Variants in PARP2 observed in about 807,000 individuals in gnomAD.
The protein encoded by PARP2 is poly [ADP-ribose] polymerase 2.
Under a neutral mutation model 77.8 loss-of-function variants are expected in PARP2, and 57 were observed. The observed-to-expected ratio is 0.73, with a 90% CI of 0.59 to 0.91. PARP2 has a LOEUF of 0.91. Ranked by LOEUF, PARP2 falls within the 40% of genes least tolerant of loss-of-function variation. The pLI, the probability that PARP2 is intolerant of heterozygous loss-of-function variation, is 0.00. For missense variants in PARP2, 651 were observed against 689.0 expected (o/e 0.94, Z 0.62); for synonymous variants, 226 against 242.6 (o/e 0.93, Z 0.64).
In PARP2 at chr14:20,355,967, A is replaced by ACC. The variant is rs764666489; in HGVS notation, c.1038_1039dup (p.Gln347ProfsTer23). 3 of 1,614,132 alleles carry ACC rather than the reference A, an allele frequency of 1.9e-6. No individual in the cohort carries two copies. The highest frequency in any genetic ancestry group is 2.5e-6 in the Non-Finnish European group (3 of 1,179,942). ...CTACAAAGCCCAGAACACCCATTGG[A>ACC]CCAACACTATAGAAACCTACATTGT... On this transcript the variant is annotated frameshift_variant, in exon 11 of 16. Coordinates refer to ENST00000429687, the MANE Select transcript of PARP2 (RefSeq NM_001042618.2). LOFTEE classifies it high-confidence loss of function.
intron 5 of PARP2, 41 bp downstream of exon 5, chr14:20,350,663 AAGTC>A: frequency 1.5e-6 from 2 of 1,320,766 alleles, no homozygotes; most frequent in Non-Finnish European, 2.2e-6. Context: ...GGCATTCAGA[AAGTC>A]AGAAGCAGCT....
intron 6 of PARP2, among the ~76,000 whole-genome samples, chr14:20,351,482 C>CT (rs1883953244): frequency 6.6e-6 from 1 of 152,118 alleles, no homozygotes; most frequent in Admixed American, 6.5e-5. Flanking sequence ...CCTGCCTTCT[C>CT]TAAGAATTTT....
At chr14:20,348,498 G>C (rs1236632174) in intron 4 of PARP2, among the ~76,000 whole-genome samples, 1 of 151,576 alleles carries the variant, frequency 6.6e-6, no homozygotes, top group Non-Finnish European at 1.5e-5. Flanking sequence ...CTCCCAAGTA[G>C]CTGGGACTAC....
chr14:20,345,842 C>A (rs1231351528), intron 3 of PARP2, among the ~76,000 whole-genome samples: 1 of 151,538 alleles, frequency 6.6e-6, no homozygotes, highest in Non-Finnish European at 1.5e-5. Flanking sequence ...ATGGCAAAAG[C>A]AGGGGAGAGA....
intron 8 of PARP2, 60 bp downstream of exon 8, chr14:20,354,307 T>C (rs773043705): frequency 5.2e-5 from 67 of 1,280,904 alleles, no homozygotes; most frequent in Non-Finnish European, 7.2e-5. Flanking sequence ...CTTTAATGGA[T>C]ACTTTATTAT....
At chr14:20,355,193 G>T (rs1029976551) in intron 9 of PARP2, 1 of 364,628 alleles carries the variant, frequency 2.7e-6, no homozygotes, top group African/African-American at 2.1e-5. Flanking sequence ...GAGAGAATGG[G>T]TCTAGCTATC....
At chr14:20,348,936 T>C (rs1202507143) in intron 4 of PARP2, among the ~76,000 whole-genome samples, 1 of 152,014 alleles carries the variant, frequency 6.6e-6, no homozygotes. Flanking sequence ...CGAGAATTGC[T>C]TGAACCTGGG....
rs1323220477 is a variant in PARP2 at position 20,345,456 on chromosome 14, G to A, written c.265G>A (p.Val89Met). 1.9e-6 allele frequency: 3 copies of A among 1,613,106 alleles called. No homozygotes were observed. The highest frequency in any genetic ancestry group is 1.7e-5 in the Admixed American group (1 of 60,012). ...APVDPECTAK[V>M]GKAHVYCEGN... is the part of the protein sequence containing the mutation. ...TGTGGACCCAGAGTGTACAGCCAAG[G>A]TGGGGAAGGTAAGAGACTCTGGAAC... Residue 89 changes from valine (V) to methionine (M), a missense_variant, in exon 3 of 16, where the codon GTG becomes ATG. Transcript: ENST00000429687.
At chr14:20,343,854 G>A (rs1462492014) in intron 1 of PARP2, among the ~76,000 whole-genome samples, 167 bp downstream of exon 1, 1 of 152,166 alleles carries the variant, frequency 6.6e-6, no homozygotes, top group African/African-American at 2.4e-5. Context: ...AGAGCTTTGG[G>A]GATTACATAA....
At chr14:20,355,848 C>A (rs368991845) in intron 10 of PARP2, 33 bp downstream of exon 10, 2 of 1,612,692 alleles carry the variant, frequency 1.2e-6, no homozygotes, top group Admixed American at 1.7e-5. Context: ...AGTATTATAT[C>A]CCTTATACCA....
intron 2 of PARP2, 149 bp from the exon 3 acceptor site, chr14:20,345,245 A>G: frequency 1.9e-6 from 2 of 1,027,520 alleles, no homozygotes. Context: ...ACTGCCTTGA[A>G]TCTTCATTTT....
At chr14:20,351,692 G>GGGATAAGTGGAGACTATCCTGGGAT (rs1883959972) in intron 6 of PARP2, among the ~76,000 whole-genome samples, 1 of 152,096 alleles carries the variant, frequency 6.6e-6, no homozygotes, top group Non-Finnish European at 1.5e-5. Context: ...TAGGAAATTT[G>GGGATAAGTGGAGACTATCCTGGGAT]GGATAAGTGG....
Position 20,352,237 on chromosome 14 carries a change from C to T in PARP2, c.498-8C>T. ...TTGTAAAGTTTTCTTACACCTTGGA[C>T]TCTACAGATTCCTTGACAAAACGAA... is the stretch of plus-strand genomic sequence containing the variant. On this transcript the variant is annotated splice_polypyrimidine_tract_variant and splice_region_variant and intron_variant, in intron 6 of 15. Transcript: ENST00000429687. 6.5e-7 allele frequency: 1 copy of T among 1,537,326 alleles called. No homozygotes were observed.
At position 20,343,651 on chromosome 14, in the gene PARP2, C is replaced by A. The variant is rs1883593018; in HGVS notation, c.10C>A (p.Arg4=). 1 of 1,610,204 alleles carries A rather than the reference C, an allele frequency of 6.2e-7. No individual in the cohort carries two copies. The highest frequency in any genetic ancestry group is 8.5e-7 in the Non-Finnish European group (1 of 1,178,942). The change falls in exon 1 of 16, where the codon CGG becomes AGG. Residue 4 remains arginine, a synonymous_variant. Transcript: ENST00000429687. MAA[R]RRRSTGGGRA... ...TCAGCGTTCGAATTCCATGGCGGCG[C>A]GGCGGCGACGGAGCACCGGCGGCGG... is the stretch of plus-strand genomic sequence containing the variant.
intron 4 of PARP2, 84 bp downstream of exon 4, chr14:20,346,997 A>G: frequency 1.2e-6 from 1 of 807,726 alleles, no homozygotes. Context: ...CAGTGTTCAG[A>G]TCTTTAAAGT....
intron 4 of PARP2, among the ~76,000 whole-genome samples, chr14:20,347,726 T>C (rs1883821025): frequency 6.6e-6 from 1 of 151,856 alleles, no homozygotes; most frequent in African/African-American, 2.4e-5. Context: ...TTTATATTAA[T>C]ATTAGCCATT....
rs58569972 is a variant in PARP2, at chr14:20,347,398, A to ATTT, written c.324+518_324+520dup. On this transcript the variant is annotated intron_variant, in intron 4 of 15. Coordinates refer to ENST00000429687, the MANE Select transcript of PARP2 (RefSeq NM_001042618.2). ...TATATATATATATATATATATATAT[A>ATTT]TTTTTTTTTTTTTTTTTTTTTTTTT... Among the ~76,000 whole-genome samples the ATTT allele has an allele frequency of 8.7e-4, 6 of 6,876 alleles. 1 individual carries two copies. Among genetic ancestry groups the ATTT allele is most frequent in the African/African-American group, 1.3e-3 (2 of 1,538 alleles). The allele number at this position is 6,876 out of a possible 152,430, so 4.5% of individuals were successfully genotyped here. A position where few individuals can be genotyped will look rare whatever the true frequency, so the allele number is the denominator to read the frequency against.
chr14:20,345,511 G>C, intron 3 of PARP2, 47 bp downstream of exon 3: 1 of 1,425,740 alleles, frequency 7.0e-7, no homozygotes, highest in Non-Finnish European at 9.9e-7. Context: ...ATCTCAGAGA[G>C]CATCCTTTGT....
At chr14:20,346,319 A>ATATTT (rs1854165349) in intron 3 of PARP2, among the ~76,000 whole-genome samples, 1 of 129,360 alleles carries the variant, frequency 7.7e-6, no homozygotes, top group African/African-American at 3.1e-5. Context: ...CTCAGTTAGA[A>ATATTT]TCTTTTTTTT....
Sources: gnomAD v4.1 joint callset for allele counts (sites outside exome capture counted in the v4.1 genomes callset) on GRCh38, gnomAD v4.1.1 for gene constraint, MANE v1.5 for transcripts, NCBI Gene and HGNC (gene_info 2026-07-23, HGNC 2026-07-21) for gene names.